Variants in ITFG1 observed in about 807,000 individuals in gnomAD.
ITFG1 encodes the protein T-cell immunomodulatory protein.
In ITFG1, 34 loss-of-function variants were observed where a neutral mutation model predicts 81.8. That is an observed-to-expected ratio of 0.42 (90% CI 0.32 to 0.55). The LOEUF is 0.55. Among genes scored for constraint, ITFG1 ranks in the 20% least tolerant of loss-of-function variants. The pLI is 0.17. For missense variants in ITFG1, 672 were observed against 755.4 expected, an observed-to-expected ratio of 0.89 and a Z score of 1.29; for synonymous variants, 285 against 270.6, an observed-to-expected ratio of 1.05 and a Z score of -0.52.
intron 5 of ITFG1, chr16:47,448,833 C>T (rs1457523351): frequency 1.3e-5 from 2 of 152,064 alleles, no homozygotes; most frequent in Admixed American, 1.3e-4. Context: ...GGTGTTATTT[C>T]TAAGTAATAT....
intron 14 of ITFG1, among the ~76,000 whole-genome samples, chr16:47,207,364 G>A (rs1388393654): frequency 1.3e-5 from 2 of 152,186 alleles, no homozygotes; most frequent in Non-Finnish European, 2.9e-5. Context: ...GATTACAGGC[G>A]TGAGCCACCG....
At chr16:47,241,068 T>TA (rs59986645) in intron 12 of ITFG1, among the ~76,000 whole-genome samples, 1,586 of 134,926 alleles carry the variant, frequency 0.012, 8 homozygotes, top group Middle Eastern at 0.015. Flanking sequence ...GTTAAGATGG[T>TA]AAAAAAAAAA....
At chr16:47,323,612 C>A (rs954909290) in intron 8 of ITFG1, among the ~76,000 whole-genome samples, 6 of 152,064 alleles carry the variant, frequency 3.9e-5, no homozygotes, top group Admixed American at 6.6e-5. Flanking sequence ...AACTACTATA[C>A]CTTGATGATT....
intron 10 of ITFG1, among the ~76,000 whole-genome samples, chr16:47,292,360 T>C (rs986921081): frequency 6.6e-6 from 1 of 152,214 alleles, no homozygotes; most frequent in African/African-American, 2.4e-5. Flanking sequence ...TTGATGTCTC[T>C]GTATTCGATG....
intron 10 of ITFG1, among the ~76,000 whole-genome samples, chr16:47,304,829 T>C (rs1447679708): frequency 6.6e-6 from 1 of 152,182 alleles, no homozygotes; most frequent in African/African-American, 2.4e-5. Context: ...GGACTGCTAC[T>C]ATTCCTTAGG....
intron 8 of ITFG1, among the ~76,000 whole-genome samples, chr16:47,362,136 T>C (rs963634366): frequency 6.6e-6 from 1 of 152,212 alleles, no homozygotes; most frequent in Non-Finnish European, 1.5e-5. Flanking sequence ...CTCTCTCTAG[T>C]GTCAAACCAA....
chr16:47,348,804 C>T (rs2151580402), intron 8 of ITFG1, among the ~76,000 whole-genome samples: 1 of 152,258 alleles, frequency 6.6e-6, no homozygotes, highest in Middle Eastern at 3.4e-3. Context: ...TCAGGACAGC[C>T]AGAGAGAAAG....
intron 2 of ITFG1, among the ~76,000 whole-genome samples, chr16:47,456,239 C>A (rs567556404): frequency 1.8e-4 from 27 of 152,054 alleles, no homozygotes; most frequent in African/African-American, 6.0e-4. Flanking sequence ...TACCAAGGCA[C>A]ATCATCATGA....
intron 6 of ITFG1, among the ~76,000 whole-genome samples, chr16:47,390,320 A>C (rs1444179594): frequency 6.6e-6 from 1 of 152,204 alleles, no homozygotes; most frequent in Non-Finnish European, 1.5e-5. Context: ...TGAGGTTTTT[A>C]AGTCTTTGCT....
intron 8 of ITFG1, among the ~76,000 whole-genome samples, chr16:47,321,637 TA>T (rs1389209273): frequency 6.6e-6 from 1 of 152,148 alleles, no homozygotes; most frequent in Admixed American, 6.5e-5. Flanking sequence ...TGCAGAGTAC[TA>T]TGACTGTGCC....
intron 12 of ITFG1, among the ~76,000 whole-genome samples, chr16:47,242,115 T>A (rs1463335027): frequency 1.3e-5 from 2 of 152,126 alleles, no homozygotes; most frequent in Non-Finnish European, 2.9e-5. Flanking sequence ...CATGATGCGG[T>A]ATGTGAATTA....
intron 14 of ITFG1, among the ~76,000 whole-genome samples, chr16:47,217,867 GT>G (rs1965644505): frequency 6.6e-6 from 1 of 152,248 alleles, no homozygotes; most frequent in Non-Finnish European, 1.5e-5. Context: ...GGAGCTTGCA[GT>G]GAGCTGAGAT....
At chr16:47,439,945 C>T (rs1463369131) in intron 5 of ITFG1, among the ~76,000 whole-genome samples, 1 of 152,156 alleles carries the variant, frequency 6.6e-6, no homozygotes, top group African/African-American at 2.4e-5. Flanking sequence ...AAACTCATCT[C>T]ACGTGCAGAG....
At chr16:47,156,762 G>C (rs1964716328) in intron 17 of ITFG1, among the ~76,000 whole-genome samples, 1 of 152,164 alleles carries the variant, frequency 6.6e-6, no homozygotes, top group Non-Finnish European at 1.5e-5. Flanking sequence ...TCAATCATGA[G>C]AAGGCTGGAA....
At chr16:47,190,525 A>G (rs1965279875) in intron 14 of ITFG1, among the ~76,000 whole-genome samples, 2 of 152,200 alleles carry the variant, frequency 1.3e-5, no homozygotes, top group African/African-American at 2.4e-5. Flanking sequence ...CCTAGAGGAC[A>G]TTATTAAAGT....
At chr16:47,170,645 A>G (rs2151509784) in intron 14 of ITFG1, among the ~76,000 whole-genome samples, 1 of 147,598 alleles carries the variant, frequency 6.8e-6, no homozygotes, top group South Asian at 2.2e-4. Flanking sequence ...GGCCAGGCCG[A>G]TCTCAAACTC....
intron 12 of ITFG1, among the ~76,000 whole-genome samples, chr16:47,249,849 C>G (rs1475766560): frequency 6.6e-6 from 1 of 152,146 alleles, no homozygotes; most frequent in East Asian, 1.9e-4. Flanking sequence ...ATGTCAAAAC[C>G]AAAACCCAAA....
chr16:47,181,566 C>A (rs1316931196), intron 14 of ITFG1, among the ~76,000 whole-genome samples: 1 of 146,296 alleles, frequency 6.8e-6, no homozygotes, highest in African/African-American at 2.5e-5. Context: ...GGGGGTCAGC[C>A]CCCCCGCCCG....
intron 10 of ITFG1, among the ~76,000 whole-genome samples, chr16:47,304,126 T>C (rs1408520362): frequency 6.6e-6 from 1 of 152,144 alleles, no homozygotes; most frequent in Admixed American, 6.5e-5. Flanking sequence ...AGAAATGAAA[T>C]AGCCATCAGT....
Sources: allele counts gnomAD v4.1 joint callset (sites outside exome capture counted in the v4.1 genomes callset), GRCh38; gene constraint gnomAD v4.1.1; transcripts MANE v1.5; gene names NCBI Gene and HGNC (gene_info 2026-07-23, HGNC 2026-07-21).